The following DENND11 variants were observed in gnomAD, a reference collection of about 807,000 sequenced individuals.
DENND11 encodes the protein DENN domain-containing protein 11.
In DENND11, 34 loss-of-function variants were observed where a neutral mutation model predicts 49.2. The ratio of observed to expected loss-of-function variants is 0.69; its 90% CI spans 0.53 to 0.92. The LOEUF (loss-of-function observed/expected upper bound fraction) is 0.92. Among genes scored for constraint, DENND11 ranks in the 40% least tolerant of loss-of-function variants. The probability of loss-of-function intolerance (pLI) is 0.00; values close to 1 mark genes in which losing one functional copy is unlikely to be tolerated. For synonymous variants in DENND11, 238 were observed against 230.3 expected, an observed-to-expected ratio of 1.03 and a Z score of -0.30; for missense variants, 475 against 581.6, an observed-to-expected ratio of 0.82 and a Z score of 1.88.
chr7:141,696,859 C>G (rs1798422711), intron 1 of DENND11, among the ~76,000 whole-genome samples: 1 of 152,184 alleles, frequency 6.6e-6, no homozygotes, highest in Admixed American at 6.5e-5. Flanking sequence ...GACTTTGGGT[C>G]TTACATGGTT....
At chr7:141,674,502 CTA>C (rs1798035516) in intron 3 of DENND11, among the ~76,000 whole-genome samples, 1 of 152,192 alleles carries the variant, frequency 6.6e-6, no homozygotes, top group Non-Finnish European at 1.5e-5. Context: ...AATTAACAGA[CTA>C]TGACTAATGT....
rs575940551 is a variant in DENND11, at chr7:141,661,394, A to G, written c.*1262T>C. On this transcript the variant is annotated 3_prime_UTR_variant, in exon 9 of 9. Transcript: ENST00000536163. ...CCAACCAGAGAACAGGCAGGTGGCA[A>G]CAGGACCCAGCCTAGAGCAGAGCAC... is the stretch of plus-strand genomic sequence containing the variant. 1 of 152,358 alleles carries G rather than the reference A, an allele frequency of 6.6e-6. No homozygotes were observed. Among genetic ancestry groups the G allele is most frequent in the African/African-American group, 2.4e-5 (1 of 41,574 alleles). 9.4% of individuals were successfully genotyped at this position (152,358 alleles called of 1,614,324 possible).
intron 3 of DENND11, among the ~76,000 whole-genome samples, chr7:141,677,402 A>AAAAT (rs1554409356): frequency 1.1e-4 from 8 of 75,882 alleles, no homozygotes; most frequent in South Asian, 5.5e-4. Context: ...AAAAAAAAAA[A>AAAAT]ATATATATAT....
At chr7:141,669,182 AT>A (rs1366960688) in intron 4 of DENND11, among the ~76,000 whole-genome samples, 3 of 137,074 alleles carry the variant, frequency 2.2e-5, no homozygotes, top group Non-Finnish European at 4.7e-5. Flanking sequence ...TTTCCAGTTT[AT>A]TTTTTTCCCT....
chr7:141,695,848 C>G (rs1246143655), intron 1 of DENND11, among the ~76,000 whole-genome samples: 5 of 152,182 alleles, frequency 3.3e-5, no homozygotes, highest in Admixed American at 3.3e-4. Flanking sequence ...CAGGCACTTC[C>G]TAGCCTCTAC....
Position 141,698,198 on chromosome 7 carries a change from C to T in DENND11, c.268+3688G>A, listed in dbSNP as rs529741172. Among the ~76,000 whole-genome samples, 76 of 152,360 alleles carry T rather than the reference C, an allele frequency of 5.0e-4. No homozygotes were observed. In the Middle Eastern group the frequency reaches 0.014, roughly 27 times the overall value. On this transcript the variant is annotated intron_variant, in intron 1 of 8. Coordinates refer to ENST00000536163, the MANE Select transcript of DENND11 (RefSeq NM_001080392.2). ...CTGCCCACACACAAGTCCTCAGCCA[C>T]ACGGTGATACCGCTCTTGCCACCAT...
chr7:141,698,172 C>T (rs1228786530), intron 1 of DENND11, among the ~76,000 whole-genome samples: 2 of 152,232 alleles, frequency 1.3e-5, no homozygotes, highest in Non-Finnish European at 2.9e-5. Context: ...CGGCCTCCAT[C>T]CTGCCCACAC....
chr7:141,695,137 G>A (rs1798393754), intron 1 of DENND11, among the ~76,000 whole-genome samples: 1 of 151,834 alleles, frequency 6.6e-6, no homozygotes, highest in African/African-American at 2.4e-5. Flanking sequence ...CATAAGCCCT[G>A]TGATTTTTAC....
At chr7:141,675,612 C>G (rs192916744) in intron 3 of DENND11, among the ~76,000 whole-genome samples, 3 of 152,276 alleles carry the variant, frequency 2.0e-5, no homozygotes, top group Admixed American at 2.0e-4. Flanking sequence ...GCTGCCACAC[C>G]GCCTCTGCAA....
rs1360238225 is a variant in DENND11 at position 141,656,948 on chromosome 7, A to G, written c.*5708T>C. On this transcript the variant is annotated 3_prime_UTR_variant, in exon 9 of 9. Coordinates refer to ENST00000536163, the MANE Select transcript of DENND11 (RefSeq NM_001080392.2). ...AAAATTACCACCACTGGAAACAGAG[A>G]GAGAGCACGGCATACCTGGGCACAC... 1.3e-5 allele frequency: 2 copies of G among 152,894 alleles called. No homozygotes were observed. The highest frequency in any genetic ancestry group is 4.8e-5 in the African/African-American group (2 of 41,428). 9.5% of individuals were successfully genotyped at this position (152,894 alleles called of 1,614,324 possible).
intron 4 of DENND11, among the ~76,000 whole-genome samples, chr7:141,668,354 A>C (rs546733456): frequency 1.1e-3 from 162 of 152,246 alleles, no homozygotes; most frequent in Middle Eastern, 0.01. Flanking sequence ...TGGGAGGCCG[A>C]GGTGGGTGGA....
intron 4 of DENND11, among the ~76,000 whole-genome samples, chr7:141,673,342 G>A (rs905164860): frequency 2.0e-5 from 3 of 152,182 alleles, no homozygotes; most frequent in African/African-American, 2.4e-5. Flanking sequence ...AGAAGGTGCT[G>A]AGAAAGTGAC....
intron 1 of DENND11, among the ~76,000 whole-genome samples, chr7:141,699,166 G>A (rs187714358): frequency 6.6e-5 from 10 of 152,248 alleles, no homozygotes; most frequent in African/African-American, 9.6e-5. Context: ...ACAGGCGAAG[G>A]AGGGGCAAAA....
intron 1 of DENND11, among the ~76,000 whole-genome samples, chr7:141,696,794 A>G (rs182055664): frequency 6.6e-6 from 1 of 152,372 alleles, no homozygotes; most frequent in East Asian, 1.9e-4. Flanking sequence ...GGAAACCTCC[A>G]AAGAGTATTT....
chr7:141,691,808 C>T (rs1473377176), intron 1 of DENND11, among the ~76,000 whole-genome samples: 1 of 152,178 alleles, frequency 6.6e-6, no homozygotes, highest in Non-Finnish European at 1.5e-5. Flanking sequence ...TCTTTGACGT[C>T]TGTCTCTGCA....
rs771775238 is a variant in DENND11 at position 141,665,238 on chromosome 7, C to G, written c.901G>C (p.Val301Leu). ...TIPESKPFFYVNVADIESLEV... is the reference protein window; with the variant it reads ...TIPESKPFFYLNVADIESLEV... ...AGGCTCTCGATGTCAGCCACGTTCA[C>G]GTAGAAGAAAGGTTTGGACTCAGGA... The change falls in exon 6 of 9, where the codon GTG becomes CTG. Residue 301 changes from valine to leucine, a missense_variant. Coordinates refer to ENST00000536163, the MANE Select transcript of DENND11 (RefSeq NM_001080392.2). 1.9e-6 allele frequency: 3 copies of G among 1,613,558 alleles called. No homozygotes were observed. The highest frequency in any genetic ancestry group is 1.1e-5 in the South Asian group (1 of 90,912).
chr7:141,665,067 G>A lies in DENND11; in HGVS notation c.953-13C>T, dbSNP rs367568845. ...TTCTCTGTGGTGCCTGTGGAACCCG[G>A]GGTTAGAGAGGTGGGAACCCACCCG... On this transcript the variant is annotated splice_polypyrimidine_tract_variant and intron_variant, in intron 6 of 8. Transcript: ENST00000536163. 14 of 1,613,078 alleles carry A rather than the reference G, an allele frequency of 8.7e-6. No individual in the cohort carries two copies. Among genetic ancestry groups the A allele is most frequent in the African/African-American group, 8.0e-5 (6 of 75,024 alleles).
In DENND11 at chr7:141,685,647, C is replaced by T. The variant is rs1404249928; in HGVS notation, c.369-11G>A. 1.9e-5 allele frequency: 30 copies of T among 1,613,550 alleles called. No homozygotes were observed. The highest frequency in any genetic ancestry group is 1.7e-4 in the Middle Eastern group (1 of 6,060). ...CCCTTTCGGAAATAGCTAGAAGAGA[C>T]CAAATACGTAGTGTGGCTCAAGATC... On this transcript the variant is annotated splice_polypyrimidine_tract_variant and intron_variant, in intron 2 of 8. Transcript: ENST00000536163.
chr7:141,696,996 A>G (rs1282909445), intron 1 of DENND11, among the ~76,000 whole-genome samples: 1 of 152,246 alleles, frequency 6.6e-6, no homozygotes, highest in Non-Finnish European at 1.5e-5. Context: ...ATGCCAATCC[A>G]TGGCTGAATT....
Sources: gnomAD v4.1 joint callset for allele counts (sites outside exome capture counted in the v4.1 genomes callset) on GRCh38, gnomAD v4.1.1 for gene constraint, MANE v1.5 for transcripts, NCBI Gene and HGNC (gene_info 2026-07-23, HGNC 2026-07-21) for gene names.